The following CORO2B variants were observed in gnomAD, a reference collection of about 807,000 sequenced individuals.
CORO2B encodes the protein coronin-2B.
CORO2B carries 26 observed loss-of-function variants against 58.8 expected under a neutral mutation model. That is an observed-to-expected ratio of 0.44 (90% CI 0.32 to 0.61). The LOEUF is 0.61. CORO2B is among the 20% of genes least tolerant of loss of function. The pLI is 0.04. For missense variants in CORO2B, 460 were observed against 645.1 expected, an observed-to-expected ratio of 0.71 and a Z score of 3.11; for synonymous variants, 242 against 253.8, an observed-to-expected ratio of 0.95 and a Z score of 0.44.
chr15:68,700,587 G>C (rs1304870785), intron 3 of CORO2B, among the ~76,000 whole-genome samples: 1 of 152,206 alleles, frequency 6.6e-6, no homozygotes, highest in Non-Finnish European at 1.5e-5. Context: ...TTCCCCAGGG[G>C]CTTTGGGCCC....
In CORO2B at chr15:68,719,066, T is replaced by G. The variant is rs570905113; in HGVS notation, c.1081-78T>G. ...AGCAGGTAGAGTGACTGGAGATCAG[T>G]AAGAAGAGTCTGACTGAAGAGTAGG... On this transcript the variant is annotated intron_variant, in intron 9 of 11. Coordinates refer to ENST00000261861, the MANE Select transcript of CORO2B (RefSeq NM_006091.5). 9.6e-4 allele frequency: 1,121 copies of G among 1,165,264 alleles called. 11 individuals carry two copies. In the South Asian group the frequency reaches 0.013, roughly 14 times the overall value. 72.2% of individuals were successfully genotyped at this position (1,165,264 alleles called of 1,614,324 possible). A position where few individuals can be genotyped will look rare whatever the true frequency, so the allele number is the denominator to read the frequency against.
At chr15:68,569,616 G>A in the CORO2B span, among the ~76,000 whole-genome samples, 11 of 152,176 alleles carry the variant, frequency 7.2e-5, no homozygotes, top group South Asian at 2.1e-4. Flanking sequence ...GCTGGTTTTC[G>A]TGTGGACATA....
the CORO2B span, among the ~76,000 whole-genome samples, chr15:68,538,452 C>T: frequency 6.6e-5 from 10 of 152,242 alleles, no homozygotes; most frequent in Non-Finnish European, 1.3e-4. Context: ...TGCGGAGGGG[C>T]TGGTCCTGGG....
chr15:68,534,238 A>G, the CORO2B span, among the ~76,000 whole-genome samples: 145,219 of 152,300 alleles, frequency 0.95, 69,304 homozygotes, highest in East Asian at 1. Context: ...ATACACATAC[A>G]CACATGCATG....
intron 11 of CORO2B, among the ~76,000 whole-genome samples, chr15:68,723,050 A>G (rs1188234631): frequency 6.6e-6 from 1 of 151,112 alleles, no homozygotes; most frequent in African/African-American, 2.4e-5. Flanking sequence ...CTGGGCAACA[A>G]GAGTGAAACT....
chr15:68,609,888 C>G (rs1424483624), intron 1 of CORO2B, among the ~76,000 whole-genome samples: 1 of 152,110 alleles, frequency 6.6e-6, no homozygotes, highest in African/African-American at 2.4e-5. Context: ...CGGTCTGGTT[C>G]AGTACACTAG....
At position 68,719,201 on chromosome 15, in the gene CORO2B, AC is replaced by A. The variant is rs1238331938; in HGVS notation, c.1142del (p.Pro381ArgfsTer14). On this transcript the variant is annotated frameshift_variant, in exon 10 of 12. Coordinates refer to ENST00000261861, the MANE Select transcript of CORO2B (RefSeq NM_006091.5). LOFTEE classifies it high-confidence loss of function. Reference protein sequence around the residue: ...PMTPGTEPALTPDEWLGGINR... With the variant: ...PMTPGTEPALXPDEWLGGINR... ...GACACCAGGCACGGAGCCAGCACTG[AC>A]CCCGGATGAATGGCTGGGAGGCATC... is the stretch of plus-strand genomic sequence containing the variant. The A allele has an allele frequency of 6.2e-7, 1 of 1,614,034 alleles. No individual in the cohort carries two copies. Among genetic ancestry groups the A allele is most frequent in the Non-Finnish European group, 8.5e-7 (1 of 1,180,010 alleles).
At chr15:68,606,339 A>C (rs76075646) in intron 1 of CORO2B, among the ~76,000 whole-genome samples, 3,470 of 152,250 alleles carry the variant, frequency 0.023, 127 homozygotes, top group African/African-American at 0.078. Context: ...AGATCCCTCC[A>C]GGCCAGTGAA....
the CORO2B span, among the ~76,000 whole-genome samples, chr15:68,545,829 C>A: frequency 2.6e-5 from 4 of 152,232 alleles, no homozygotes; most frequent in South Asian, 8.3e-4. Context: ...TCAGGTGGGG[C>A]ATCCCCAGCC....
At chr15:68,609,810 A>G (rs936332694) in intron 1 of CORO2B, among the ~76,000 whole-genome samples, 1 of 152,158 alleles carries the variant, frequency 6.6e-6, no homozygotes, top group Non-Finnish European at 1.5e-5. Flanking sequence ...AGGGCTGTAC[A>G]GCAGCCTGTG....
chr15:68,559,594 A>G, the CORO2B span: 3 of 985,324 alleles, frequency 3.0e-6, no homozygotes, highest in Non-Finnish European at 3.6e-6. The surrounding 1 kb of genome is among the most constrained non-coding windows in gnomAD (Gnocchi z 4.3). Flanking sequence ...CGGGGAGCAG[A>G]CGGAACAAGC....
chr15:68,538,518 A>G, the CORO2B span, among the ~76,000 whole-genome samples: 5,608 of 151,978 alleles, frequency 0.037, 146 homozygotes, highest in Non-Finnish European at 0.056. Flanking sequence ...GGCATCCACT[A>G]CTGGAGTCTG....
intron 1 of CORO2B, among the ~76,000 whole-genome samples, chr15:68,583,826 G>T (rs1162085904): frequency 6.6e-6 from 1 of 152,198 alleles, no homozygotes; most frequent in African/African-American, 2.4e-5. Context: ...GGAAGCCTTG[G>T]TGAAGAGGAA....
intron 3 of CORO2B, among the ~76,000 whole-genome samples, chr15:68,702,595 CA>C (rs1402364217): frequency 2.0e-5 from 3 of 152,048 alleles, no homozygotes; most frequent in African/African-American, 7.2e-5. Flanking sequence ...GAATGATTGA[CA>C]AGAAACGGGG....
intron 2 of CORO2B, among the ~76,000 whole-genome samples, chr15:68,648,368 C>T (rs1273169501): frequency 7.0e-6 from 1 of 143,246 alleles, no homozygotes; most frequent in Admixed American, 7.0e-5. Context: ...AACAAAAGGC[C>T]GGGTGCAGTG....
At chr15:68,565,585 C>A in the CORO2B span, among the ~76,000 whole-genome samples, 1 of 151,888 alleles carries the variant, frequency 6.6e-6, no homozygotes, top group Non-Finnish European at 1.5e-5. Context: ...GTCTGCATTT[C>A]TTTTCCAACA....
the CORO2B span, among the ~76,000 whole-genome samples, chr15:68,542,594 A>G: frequency 5.9e-5 from 9 of 152,368 alleles, no homozygotes; most frequent in African/African-American, 2.2e-4. Flanking sequence ...TCTGGCTCCA[A>G]TGTGGAGCAG....
intron 1 of CORO2B, among the ~76,000 whole-genome samples, chr15:68,628,779 C>T (rs747807424): frequency 2.6e-5 from 4 of 152,210 alleles, no homozygotes; most frequent in South Asian, 4.1e-4. Context: ...CTGCCTCCTC[C>T]GGAGTCTACA....
Position 68,641,975 on chromosome 15 carries a change from C to T in CORO2B, c.16-3185C>T, listed in dbSNP as rs112359901. Among the ~76,000 whole-genome samples, 1,368 of 151,646 alleles carry T rather than the reference C, an allele frequency of 9.0e-3. 19 individuals are homozygous for T. Among genetic ancestry groups the T allele is most frequent in the African/African-American group, 0.031 (1,296 of 41,246 alleles). ...AATGCCTGGGTTCAAGCGATCTGTCCGCCTCAGCCTCCCGAGGTGCTGGGA... is the reference window on the plus strand; with the variant it reads ...AATGCCTGGGTTCAAGCGATCTGTCTGCCTCAGCCTCCCGAGGTGCTGGGA... On this transcript the variant is annotated intron_variant, in intron 1 of 11. Transcript: ENST00000261861.
Sources: allele counts gnomAD v4.1 joint callset (sites outside exome capture counted in the v4.1 genomes callset), GRCh38; gene constraint gnomAD v4.1.1; non-coding constraint Gnocchi (gnomAD v3.1); transcripts MANE v1.5; gene names NCBI Gene and HGNC (gene_info 2026-07-23, HGNC 2026-07-21).